FAM135A: variants seen among roughly 807,000 people sequenced by gnomAD.
FAM135A encodes the protein protein FAM135A.
Under a neutral mutation model 146.8 loss-of-function variants are expected in FAM135A, and 79 were observed. That is an observed-to-expected ratio of 0.54 (90% CI 0.45 to 0.65). The LOEUF is 0.65. Ranked by LOEUF, FAM135A falls within the 30% of genes least tolerant of loss-of-function variation. FAM135A has a pLI of 0.00. For synonymous variants in FAM135A, 562 were observed against 603.6 expected, an observed-to-expected ratio of 0.93 and a Z score of 1.01; for missense variants, 1,623 against 1,758.2, an observed-to-expected ratio of 0.92 and a Z score of 1.38.
At chr6:70,462,539 G>T (rs749553751) in intron 5 of FAM135A, among the ~76,000 whole-genome samples, 3 of 151,714 alleles carry the variant, frequency 2.0e-5, no homozygotes, top group Non-Finnish European at 4.4e-5. Context: ...TGTGGGGAAG[G>T]TCTTAATAAA....
At chr6:70,484,200 TAAGAA>T (rs1241990558) in intron 10 of FAM135A, among the ~76,000 whole-genome samples, 1 of 152,138 alleles carries the variant, frequency 6.6e-6, no homozygotes, top group Non-Finnish European at 1.5e-5. Context: ...GCAACAGTAT[TAAGAA>T]ATCAGCTCAG....
chr6:70,462,901 A>G (rs1271705978), intron 5 of FAM135A, among the ~76,000 whole-genome samples: 1 of 152,152 alleles, frequency 6.6e-6, no homozygotes, highest in Admixed American at 6.5e-5. Flanking sequence ...TAAAGCTTCA[A>G]ATATTCTGAA....
At chr6:70,544,070 G>A (rs1798404536) in intron 20 of FAM135A, among the ~76,000 whole-genome samples, 1 of 151,754 alleles carries the variant, frequency 6.6e-6, no homozygotes, top group African/African-American at 2.4e-5. Context: ...GATAATATGT[G>A]TAAAGTGATT....
chr6:70,488,813 AC>A (rs1425467374), intron 10 of FAM135A, among the ~76,000 whole-genome samples: 1 of 152,178 alleles, frequency 6.6e-6, no homozygotes, highest in Non-Finnish European at 1.5e-5. Context: ...ATTGAAAAAT[AC>A]TTGTGTATAA....
In FAM135A at chr6:70,533,261, G is replaced by T; in HGVS notation, c.3867+10G>T. ...GTCTGAGAGAAATCAGGTACAATAT[G>T]ACAGTGTTTTCAGTGAAAACAAACA... On this transcript the variant is annotated intron_variant, in intron 17 of 21. Coordinates refer to ENST00000418814, the MANE Select transcript of FAM135A (RefSeq NM_001162529.3). The T allele has an allele frequency of 1.2e-6, 2 of 1,600,492 alleles. No individual in the cohort carries two copies. Among genetic ancestry groups the T allele is most frequent in the South Asian group, 2.3e-5 (2 of 88,564 alleles).
chr6:70,427,891 A>T (rs867150903), intron 3 of FAM135A, among the ~76,000 whole-genome samples: 1 of 152,122 alleles, frequency 6.6e-6, no homozygotes, highest in Non-Finnish European at 1.5e-5. Context: ...TTAACTGGGG[A>T]TTGAAGAGTG....
At chr6:70,431,806 T>G (rs1771708283) in intron 4 of FAM135A, among the ~76,000 whole-genome samples, 1 of 152,208 alleles carries the variant, frequency 6.6e-6, no homozygotes, top group Non-Finnish European at 1.5e-5. Context: ...AATTGCTTGC[T>G]TAAGTTGTAT....
At chr6:70,421,925 A>G (rs1272920607) in intron 2 of FAM135A, among the ~76,000 whole-genome samples, 1 of 152,170 alleles carries the variant, frequency 6.6e-6, no homozygotes, top group Admixed American at 6.5e-5. Flanking sequence ...AGTTCCTTGC[A>G]ATGGAGAATC....
intron 11 of FAM135A, among the ~76,000 whole-genome samples, chr6:70,498,199 T>G (rs1562524678): frequency 6.6e-6 from 1 of 152,262 alleles, no homozygotes; most frequent in East Asian, 1.9e-4. Flanking sequence ...TGGTTTTCTC[T>G]TGGGAGGCTG....
intron 5 of FAM135A, among the ~76,000 whole-genome samples, chr6:70,455,661 G>GT (rs1179576808): frequency 6.6e-6 from 1 of 152,018 alleles, no homozygotes; most frequent in Non-Finnish European, 1.5e-5. Flanking sequence ...TTCTAGCTCA[G>GT]TTTTTTCTCC....
chr6:70,542,153 G>A (rs751366574), intron 20 of FAM135A, among the ~76,000 whole-genome samples: 34 of 152,012 alleles, frequency 2.2e-4, no homozygotes, highest in Non-Finnish European at 4.3e-4. Flanking sequence ...CTTTCATGAT[G>A]CTTTGTGGTA....
At chr6:70,487,083 C>CAAAAAAAAAAAAAAAAAAAAAAACTTTA in intron 10 of FAM135A, among the ~76,000 whole-genome samples, 1 of 40,612 alleles carries the variant, frequency 2.5e-5, no homozygotes, top group Non-Finnish European at 4.7e-5. Flanking sequence ...ACTCCCATCT[C>CAAAAAAAAAAAAAAAAAAAAAAACTTTA]AAAAAAAAAA....
intron 12 of FAM135A, among the ~76,000 whole-genome samples, chr6:70,516,082 C>A (rs1404810487): frequency 6.6e-6 from 1 of 152,022 alleles, no homozygotes; most frequent in Non-Finnish European, 1.5e-5. Flanking sequence ...GAAAAAGTCA[C>A]TTCATGTATT....
chr6:70,533,567 CTT>C (rs1225575341), intron 17 of FAM135A, among the ~76,000 whole-genome samples, 188 bp from the exon 18 acceptor site: 1 of 151,990 alleles, frequency 6.6e-6, no homozygotes, highest in Non-Finnish European at 1.5e-5. Context: ...AACACTGAAC[CTT>C]TTTTTCCCCT....
chr6:70,457,896 G>A (rs1778675349), intron 5 of FAM135A, among the ~76,000 whole-genome samples: 1 of 152,022 alleles, frequency 6.6e-6, no homozygotes, highest in East Asian at 1.9e-4. Context: ...GTTATGTCTA[G>A]ATTTAATCAT....
At chr6:70,482,257 C>A in intron 10 of FAM135A, 103 bp downstream of exon 10, 1 of 1,156,948 alleles carries the variant, frequency 8.6e-7, no homozygotes, top group Non-Finnish European at 1.2e-6. Context: ...ACTAAAACTA[C>A]AGTGTTTGTG....
At chr6:70,446,415 C>G (rs1210712258) in intron 4 of FAM135A, among the ~76,000 whole-genome samples, 1 of 152,174 alleles carries the variant, frequency 6.6e-6, no homozygotes, top group African/African-American at 2.4e-5. Flanking sequence ...GGCATGCAGA[C>G]TGAGAGGTGC....
intron 5 of FAM135A, among the ~76,000 whole-genome samples, chr6:70,462,206 A>G (rs1451048351): frequency 1.3e-5 from 2 of 152,198 alleles, no homozygotes; most frequent in African/African-American, 4.8e-5. Flanking sequence ...CCAATGAGAT[A>G]GCTGTTCCTT....
At chr6:70,479,615 A>G (rs1006024458) in intron 8 of FAM135A, among the ~76,000 whole-genome samples, 14 of 152,132 alleles carry the variant, frequency 9.2e-5, no homozygotes, top group African/African-American at 3.4e-4. Context: ...TGGTGTGTTG[A>G]TAAAGGGGTC....
Sources: allele counts gnomAD v4.1 joint callset (sites outside exome capture counted in the v4.1 genomes callset), GRCh38; gene constraint gnomAD v4.1.1; transcripts MANE v1.5; gene names NCBI Gene and HGNC (gene_info 2026-07-23, HGNC 2026-07-21).